TRAPPC10: variants seen among roughly 807,000 people sequenced by gnomAD.
TRAPPC10 encodes TRAPP 130 kDa subunit.
Under a neutral mutation model 125.5 loss-of-function variants are expected in TRAPPC10, and 23 were observed. That is an observed-to-expected ratio of 0.18 (90% CI 0.13 to 0.26). The LOEUF (loss-of-function observed/expected upper bound fraction) is 0.26, where lower values mean the gene tolerates loss of function less well. TRAPPC10 is among the 10% of genes least tolerant of loss of function. The pLI, the probability that TRAPPC10 is intolerant of heterozygous loss-of-function variation, is 1.00. For missense variants in TRAPPC10, 1,123 were observed against 1,308.4 expected, an observed-to-expected ratio of 0.86 and a Z score of 2.19; for synonymous variants, 509 against 518.0, an observed-to-expected ratio of 0.98 and a Z score of 0.24.
In TRAPPC10 at chr21:44,063,570, C is replaced by T; in HGVS notation, c.823C>T (p.Pro275Ser). The T allele has an allele frequency of 1.2e-6, 2 of 1,614,178 alleles. No homozygotes were observed. Among genetic ancestry groups the T allele is most frequent in the Non-Finnish European group, 1.7e-6 (2 of 1,180,034 alleles). The change falls in exon 7 of 23, where the codon CCA becomes TCA. Residue 275 changes from proline to serine, a missense_variant. Pro to Ser is a moderately conservative substitution (Grantham distance 74). Around this residue, in one of 4 missense-constraint regions of TRAPPC10, gnomAD observed 91 missense variants for 127.1 expected, o/e 0.72. Transcript: ENST00000291574. This position sits in a 1 kb window ranked among gnomAD's most constrained non-coding sequence, Gnocchi z 4.4. ...GANWLTFFCQ[P>S]VKSWNGLILR... Reference sequence around the variant, plus strand: ...CAACTGGCTGACTTTTTTCTGCCAGCCAGTGAAGAGCTGGAACGGATTGAT... The same window carrying T: ...CAACTGGCTGACTTTTTTCTGCCAGTCAGTGAAGAGCTGGAACGGATTGAT...
At position 44,091,985 on chromosome 21, in the gene TRAPPC10, A is replaced by T. The variant is rs1321332018; in HGVS notation, c.2933A>T (p.Tyr978Phe). Residue 978 changes from tyrosine (Y) to phenylalanine (F), a missense_variant, in exon 19 of 23, where the codon TAT (tyrosine) becomes TTT (phenylalanine). Physicochemically the swap from Tyr to Phe is conservative, Grantham distance 22 (BLOSUM62 3). Coordinates refer to ENST00000291574, the MANE Select transcript of TRAPPC10 (RefSeq NM_003274.5). ...CTTGACTTTCAGCTGTCAGATAGTT[A>T]TCTTGTAGATACCGGTGATAGTACC... is the stretch of plus-strand genomic sequence containing the variant. Reference protein sequence around the residue: ...SELDFQLSDSYLVDTGDSTDL... With the variant: ...SELDFQLSDSFLVDTGDSTDL... 1.9e-6 allele frequency: 3 copies of T among 1,614,060 alleles called. No individual in the cohort carries two copies. The highest frequency in any genetic ancestry group is 2.5e-6 in the Non-Finnish European group (3 of 1,180,042).
chr21:44,068,631 C>T (rs1601736025), intron 7 of TRAPPC10, among the ~76,000 whole-genome samples: 1 of 152,084 alleles, frequency 6.6e-6, no homozygotes, highest in Middle Eastern at 3.2e-3. Context: ...TTATTTGAAA[C>T]ACTCTGTTGC....
intron 4 of TRAPPC10, among the ~76,000 whole-genome samples, chr21:44,055,089 G>A (rs2035479921): frequency 6.6e-6 from 1 of 152,162 alleles, no homozygotes; most frequent in Non-Finnish European, 1.5e-5. Context: ...AACTGAGTGA[G>A]GCGTGATCAC....
intron 20 of TRAPPC10, among the ~76,000 whole-genome samples, chr21:44,095,882 G>A (rs1054797180): frequency 6.6e-6 from 1 of 151,030 alleles, no homozygotes; most frequent in African/African-American, 2.4e-5. Context: ...GTACGGGTTT[G>A]TATGTTGCTG....
chr21:44,085,013 C>T (rs886342651), intron 15 of TRAPPC10, among the ~76,000 whole-genome samples: 9 of 152,200 alleles, frequency 5.9e-5, no homozygotes, highest in African/African-American at 2.2e-4. Context: ...CAGACCCTGT[C>T]CTTTGGTTTT....
At chr21:44,074,945 A>G in intron 8 of TRAPPC10, 94 bp from the exon 9 acceptor site, 1 of 953,080 alleles carries the variant, frequency 1.0e-6, no homozygotes, top group Non-Finnish European at 1.6e-6. Flanking sequence ...TTTCTTCTAG[A>G]ATTTAGCTGG....
At chr21:44,030,569 C>T (rs1207570666) in intron 1 of TRAPPC10, among the ~76,000 whole-genome samples, 3 of 151,996 alleles carry the variant, frequency 2.0e-5, no homozygotes, top group Admixed American at 6.6e-5. Context: ...CCGGTTCAAG[C>T]GATTCTCCTG....
chr21:44,051,444 G>T (rs1325384749), intron 3 of TRAPPC10, among the ~76,000 whole-genome samples: 1 of 152,198 alleles, frequency 6.6e-6, no homozygotes, highest in Non-Finnish European at 1.5e-5. Flanking sequence ...AAGGGAGTTG[G>T]ACTCTTCTGA....
chr21:44,032,548 A>G (rs539611686), intron 2 of TRAPPC10, among the ~76,000 whole-genome samples: 9 of 152,122 alleles, frequency 5.9e-5, no homozygotes, highest in Admixed American at 2.6e-4. Context: ...GCACCCGGCT[A>G]ATTTTTGTAG....
Position 44,061,142 on chromosome 21 carries a change from T to A in TRAPPC10, c.790+1928T>A, listed in dbSNP as rs182276441. 9.7e-3 allele frequency among the ~76,000 whole-genome samples: 1,475 copies of A among 151,962 alleles called. 14 individuals are homozygous for A. The highest frequency in any genetic ancestry group is 0.025 in the African/African-American group (1,032 of 41,428). ...TTTTAATTTTAATTTAATTTAATTT[T>A]ATTTTATTTTTTGAGACGGAGTCTT... On this transcript the variant is annotated intron_variant, in intron 6 of 22. Transcript: ENST00000291574.
intron 2 of TRAPPC10, among the ~76,000 whole-genome samples, chr21:44,036,888 A>G (rs1054318349): frequency 6.6e-6 from 1 of 152,224 alleles, no homozygotes; most frequent in African/African-American, 2.4e-5. Context: ...AATGCAACCA[A>G]CGGTAGAATA....
At chr21:44,046,643 C>T (rs2034837115) in intron 3 of TRAPPC10, 2 of 223,588 alleles carry the variant, frequency 8.9e-6, no homozygotes, top group South Asian at 1.4e-4. Context: ...TCCCGAGTAG[C>T]TGGGATTATA....
Position 44,076,535 on chromosome 21 carries a change from G to C in TRAPPC10, c.1301-17G>C, listed in dbSNP as rs370425424. The C allele has an allele frequency of 6.2e-7, 1 of 1,608,188 alleles. No homozygotes were observed. Among genetic ancestry groups the C allele is most frequent in the Middle Eastern group, 1.7e-4 (1 of 6,050 alleles). On this transcript the variant is annotated splice_polypyrimidine_tract_variant and intron_variant, in intron 9 of 22. Transcript: ENST00000291574. ...ATGATGAAGATGAAGAGGGACTCTC[G>C]TTTCTTTCTGTTTAAGCCAACACAG...
intron 17 of TRAPPC10, chr21:44,088,442 G>A (rs1264365809): frequency 1.2e-5 from 2 of 166,044 alleles, no homozygotes; most frequent in Non-Finnish European, 2.6e-5. Context: ...GTTACTCAGG[G>A]TGTGCCCAAG....
intron 20 of TRAPPC10, among the ~76,000 whole-genome samples, chr21:44,095,007 TAAATC>T (rs1383755562): frequency 6.7e-6 from 1 of 149,256 alleles, no homozygotes; most frequent in East Asian, 1.9e-4. Context: ...ATAATTTAAT[TAAATC>T]AAATAATAGT....
chr21:44,057,054 A>G (rs1303495315), intron 5 of TRAPPC10, among the ~76,000 whole-genome samples: 2 of 152,310 alleles, frequency 1.3e-5, no homozygotes, highest in South Asian at 2.1e-4. Context: ...CCTAGAGGAC[A>G]TGATGCCGAG....
At chr21:44,015,610 A>AT (rs11405094) in intron 1 of TRAPPC10, among the ~76,000 whole-genome samples, 19,848 of 140,332 alleles carry the variant, frequency 0.14, 1,502 homozygotes, top group South Asian at 0.25. Flanking sequence ...AGCTCTCCAA[A>AT]TTTTTTTTTT....
rs1382572441 is a variant in TRAPPC10 at position 44,082,655 on chromosome 21, G to T, written c.1724-133G>T. The T allele has an allele frequency of 3.1e-6, 3 of 961,198 alleles. No individual in the cohort carries two copies. Among genetic ancestry groups the T allele is most frequent in the African/African-American group, 1.6e-5 (1 of 61,364 alleles). The allele number at this position is 961,198 out of a possible 1,614,324, so 59.5% of individuals were successfully genotyped here. ...GGGTGTGAAGATGGCAGGAGGCTGG[G>T]CTCAGCTGCTGTGCCCATCACTGCT... On this transcript the variant is annotated intron_variant, in intron 13 of 22. Coordinates refer to ENST00000291574, the MANE Select transcript of TRAPPC10 (RefSeq NM_003274.5). This position sits in a 1 kb window ranked among gnomAD's most constrained non-coding sequence, Gnocchi z 4.4.
At chr21:44,046,754 T>C (rs192729501) in intron 3 of TRAPPC10, 7 of 418,874 alleles carry the variant, frequency 1.7e-5, no homozygotes, top group Middle Eastern at 7.1e-4. Flanking sequence ...GCGATCCTCC[T>C]GCCTTAGCCT....
Sources: allele counts gnomAD v4.1 joint callset (sites outside exome capture counted in the v4.1 genomes callset), GRCh38; gene constraint gnomAD v4.1.1; regional missense constraint gnomAD v4.1.1; non-coding constraint Gnocchi (gnomAD v3.1); transcripts MANE v1.5; gene names NCBI Gene and HGNC (gene_info 2026-07-23, HGNC 2026-07-21).